PTGER4: variants seen among roughly 807,000 people sequenced by gnomAD.
PTGER4 encodes prostaglandin E2 receptor EP4 subtype.
PTGER4 carries 11 observed loss-of-function variants against 33.2 expected under a neutral mutation model. The ratio of observed to expected loss-of-function variants is 0.33; its 90% CI spans 0.21 to 0.55. The LOEUF (loss-of-function observed/expected upper bound fraction) is 0.55, where lower values mean the gene tolerates loss of function less well. Ranked by LOEUF, PTGER4 falls within the 20% of genes least tolerant of loss-of-function variation. The probability of loss-of-function intolerance (pLI) is 0.92; values close to 1 mark genes in which losing one functional copy is unlikely to be tolerated. For synonymous variants in PTGER4, 275 were observed against 281.5 expected (o/e 0.98, Z 0.23); for missense variants, 481 against 650.2 (o/e 0.74, Z 2.83).
chr5:40,690,068 G>C (rs1297855063), intron 2 of PTGER4, among the ~76,000 whole-genome samples: 1 of 152,116 alleles, frequency 6.6e-6, no homozygotes, highest in East Asian at 1.9e-4. Flanking sequence ...GGCTGAACAT[G>C]GTGGCTCACT....
chr5:40,688,368 G>T (rs907586492), intron 2 of PTGER4, among the ~76,000 whole-genome samples: 7 of 152,054 alleles, frequency 4.6e-5, no homozygotes, highest in Non-Finnish European at 8.8e-5. Flanking sequence ...GCATAAACCC[G>T]GCCGTAGGTC....
chr5:40,684,471 G>C (rs918363602), intron 2 of PTGER4, among the ~76,000 whole-genome samples: 17 of 152,274 alleles, frequency 1.1e-4, no homozygotes, highest in Non-Finnish European at 2.1e-4. Flanking sequence ...AAAACAAGCA[G>C]CCACTGAAAA....
At chr5:40,727,805 A>G in the PTGER4 span, among the ~76,000 whole-genome samples, 1 of 152,158 alleles carries the variant, frequency 6.6e-6, no homozygotes, top group African/African-American at 2.4e-5. Context: ...TTTAATATCC[A>G]TGATGTCAAG....
Position 40,692,751 on chromosome 5 carries a change from A to C in PTGER4, c.*373A>C. On this transcript the variant is annotated 3_prime_UTR_variant, in exon 3 of 3. Coordinates refer to ENST00000302472, the MANE Select transcript of PTGER4 (RefSeq NM_000958.3). ...CAGATATTAGAAAGGCTCTATTCCA[A>C]TAAACTATGAGGACTGCCTTATGGA... 2 of 1,009,282 alleles carry C rather than the reference A, an allele frequency of 2.0e-6. No individual in the cohort carries two copies. The highest frequency in any genetic ancestry group is 2.4e-6 in the Non-Finnish European group (2 of 844,246). 62.5% of individuals were successfully genotyped at this position (1,009,282 alleles called of 1,614,324 possible).
chr5:40,723,014 A>G, the PTGER4 span, among the ~76,000 whole-genome samples: 1 of 152,218 alleles, frequency 6.6e-6, no homozygotes, highest in Non-Finnish European at 1.5e-5. Context: ...AATGTGGGGA[A>G]AAGGAGAGAT....
chr5:40,732,528 T>G, the PTGER4 span, among the ~76,000 whole-genome samples: 2 of 151,870 alleles, frequency 1.3e-5, no homozygotes, highest in African/African-American at 2.4e-5. Context: ...TCTAATGAGT[T>G]CAGGAACCAA....
chr5:40,727,660 G>A, the PTGER4 span, among the ~76,000 whole-genome samples: 1 of 152,122 alleles, frequency 6.6e-6, no homozygotes, highest in Non-Finnish European at 1.5e-5. Flanking sequence ...TCTATCAGCG[G>A]TTTTGTCTCC....
downstream of PTGER4, among the ~76,000 whole-genome samples, chr5:40,695,818 A>C (rs1741575602): frequency 6.6e-6 from 1 of 152,248 alleles, no homozygotes; most frequent in Non-Finnish European, 1.5e-5. Flanking sequence ...TAAGTGAACT[A>C]ACTCAGAAAC....
chr5:40,738,231 G>A, the PTGER4 span, among the ~76,000 whole-genome samples: 1 of 151,998 alleles, frequency 6.6e-6, no homozygotes, highest in South Asian at 2.1e-4. Flanking sequence ...GGCCAAGACG[G>A]TGAAACCCTG....
chr5:40,692,964 A>C lies in PTGER4; in HGVS notation c.*586A>C. 1 of 956,878 alleles carries C rather than the reference A, an allele frequency of 1.0e-6. No individual in the cohort carries two copies. The highest frequency in any genetic ancestry group is 1.8e-5 in the African/African-American group (1 of 56,624). 59.3% of individuals were successfully genotyped at this position (956,878 alleles called of 1,614,324 possible). On this transcript the variant is annotated 3_prime_UTR_variant, in exon 3 of 3. Transcript: ENST00000302472. Reference sequence around the variant, plus strand: ...TGCAGATGTTAGATATTTTTCATAAACAAGTTCGAGTCAAAGTTGAAAATT... The same window carrying C: ...TGCAGATGTTAGATATTTTTCATAACCAAGTTCGAGTCAAAGTTGAAAATT...
chr5:40,694,047 T>C (rs1336305812), downstream of PTGER4, among the ~76,000 whole-genome samples: 1 of 152,110 alleles, frequency 6.6e-6, no homozygotes. Flanking sequence ...TTTTTATTTT[T>C]ATTTTTTTAT....
chr5:40,692,092 C>G lies in PTGER4; in HGVS notation c.1181C>G (p.Thr394Ser), dbSNP rs1216382042. ...AAGGAGATCAGCAGTACATCTCAGACCCTCCTGCCAGACCTCTCACTGCCA... is the reference window on the plus strand; with the variant it reads ...AAGGAGATCAGCAGTACATCTCAGAGCCTCCTGCCAGACCTCTCACTGCCA... ...ELKEISSTSQ[T>S]LLPDLSLPDL... The change falls in exon 3 of 3, where the codon ACC becomes AGC. Residue 394 changes from threonine to serine, a missense_variant. Thr to Ser is a moderately conservative substitution (Grantham distance 58). Around this residue, in one of 7 missense-constraint regions of PTGER4, gnomAD observed 172 missense variants for 199.2 expected, o/e 0.86. Coordinates refer to ENST00000302472, the MANE Select transcript of PTGER4 (RefSeq NM_000958.3). 2.5e-6 allele frequency: 4 copies of G among 1,614,120 alleles called. No homozygotes were observed. Among genetic ancestry groups the G allele is most frequent in the Non-Finnish European group, 3.4e-6 (4 of 1,180,058 alleles).
At chr5:40,746,773 TA>T in the PTGER4 span, 696 of 1,314,694 alleles carry the variant, frequency 5.3e-4, no homozygotes, top group Non-Finnish European at 6.1e-4. Flanking sequence ...CTCTTCTCCA[TA>T]AAAAAAAAAC....
the PTGER4 span, among the ~76,000 whole-genome samples, chr5:40,730,660 T>A: frequency 1.3e-5 from 2 of 152,170 alleles, no homozygotes; most frequent in Non-Finnish European, 2.9e-5. Context: ...GGAGGAGCAG[T>A]CATGTACTTT....
chr5:40,688,764 T>A (rs1741392859), intron 2 of PTGER4, among the ~76,000 whole-genome samples: 1 of 152,106 alleles, frequency 6.6e-6, no homozygotes. Context: ...CTGTAAAGAT[T>A]TTTTTTTAAA....
In PTGER4 at chr5:40,691,822, G is replaced by A. The variant is rs146962344; in HGVS notation, c.911G>A (p.Arg304Gln). The A allele has an allele frequency of 3.7e-5, 60 of 1,614,158 alleles. No homozygotes were observed. The African/African-American group carries it at 4.8e-4, about 13-fold the overall frequency. ...VNQLYQPSLE[R>Q]EVSKNPDLQA... ...CAGTTATATCAGCCAAGTTTGGAGC[G>A]AGAAGTCAGTAAAAATCCAGATTTG... is the stretch of plus-strand genomic sequence containing the variant. The change falls in exon 3 of 3, where the codon CGA becomes CAA. Residue 304 changes from arginine (R) to glutamine (Q), a missense_variant. Transcript: ENST00000302472. This position sits in a 1 kb window ranked among gnomAD's most constrained non-coding sequence, Gnocchi z 4.2.
the PTGER4 span, among the ~76,000 whole-genome samples, chr5:40,723,512 TAAA>T: frequency 0.36 from 51,809 of 143,656 alleles, 9,750 homozygotes; most frequent in Admixed American, 0.46. Context: ...TAACTCAAAT[TAAA>T]AAAAAAAAAA....
chr5:40,701,881 C>T, the PTGER4 span, among the ~76,000 whole-genome samples: 3 of 152,164 alleles, frequency 2.0e-5, no homozygotes, highest in African/African-American at 7.2e-5. Context: ...CTATGTTCAA[C>T]ATCATAAAGA....
the PTGER4 span, among the ~76,000 whole-genome samples, chr5:40,717,987 G>A: frequency 6.6e-5 from 10 of 151,592 alleles, no homozygotes; most frequent in East Asian, 2.0e-4. Flanking sequence ...GCTTGAACTC[G>A]GGAGGCGGAG....
Sources: allele counts gnomAD v4.1 joint callset (sites outside exome capture counted in the v4.1 genomes callset), GRCh38; gene constraint gnomAD v4.1.1; regional missense constraint gnomAD v4.1.1; non-coding constraint Gnocchi (gnomAD v3.1); transcripts MANE v1.5; gene names NCBI Gene and HGNC (gene_info 2026-07-23, HGNC 2026-07-21).